EBF1: variants seen among roughly 807,000 people sequenced by gnomAD.
The protein encoded by EBF1 is EBF transcription factor 1.
Under a neutral mutation model 68.4 loss-of-function variants are expected in EBF1, and 10 were observed. That is an observed-to-expected ratio of 0.15 (90% CI 0.09 to 0.25). EBF1 has a LOEUF of 0.25. Ranked by LOEUF, EBF1 falls within the 10% of genes least tolerant of loss-of-function variation. The probability of loss-of-function intolerance (pLI) is 1.00; values close to 1 mark genes in which losing one functional copy is unlikely to be tolerated. For missense variants in EBF1, 509 were observed against 794.4 expected, an observed-to-expected ratio of 0.64 and a Z score of 4.32; for synonymous variants, 298 against 299.8, an observed-to-expected ratio of 0.99 and a Z score of 0.06.
intron 6 of EBF1, among the ~76,000 whole-genome samples, chr5:158,853,841 A>G (rs540754763): frequency 6.6e-6 from 1 of 152,348 alleles, no homozygotes; most frequent in African/African-American, 2.4e-5. Flanking sequence ...TCAAAATGAT[A>G]GAAGCTTTTA....
At chr5:158,730,764 C>A (rs971456832) in intron 11 of EBF1, among the ~76,000 whole-genome samples, 3 of 152,132 alleles carry the variant, frequency 2.0e-5, no homozygotes, top group African/African-American at 7.2e-5. Context: ...TGCTATGTGA[C>A]CTTGAGCAAA....
chr5:158,866,516 T>C (rs898945549), intron 6 of EBF1, among the ~76,000 whole-genome samples: 14 of 152,084 alleles, frequency 9.2e-5, no homozygotes, highest in Admixed American at 2.6e-4. Context: ...TAGCTAATAC[T>C]GACTAATGAG....
intron 6 of EBF1, among the ~76,000 whole-genome samples, chr5:158,971,352 T>C (rs1173430572): frequency 2.0e-5 from 3 of 152,168 alleles, no homozygotes; most frequent in Non-Finnish European, 2.9e-5. Flanking sequence ...CAGTGAGTGA[T>C]GGTAAAAAGT....
chr5:158,973,464 A>AACACAC (rs139768228), intron 6 of EBF1, among the ~76,000 whole-genome samples: 19 of 149,266 alleles, frequency 1.3e-4, no homozygotes, highest in African/African-American at 4.4e-4. Flanking sequence ...AGCTCAAACC[A>AACACAC]ACACACACAC....
intron 4 of EBF1, among the ~76,000 whole-genome samples, chr5:159,093,670 TTA>T (rs1448650855): frequency 6.6e-6 from 1 of 152,146 alleles, no homozygotes; most frequent in East Asian, 1.9e-4. Flanking sequence ...TCCCCCATTT[TTA>T]TATGAGTATA....
chr5:158,723,278 G>A (rs1762311108), intron 11 of EBF1, among the ~76,000 whole-genome samples: 1 of 152,166 alleles, frequency 6.6e-6, no homozygotes, highest in South Asian at 2.1e-4. Flanking sequence ...TTTGTAAATT[G>A]GCTTTTTTTC....
intron 6 of EBF1, among the ~76,000 whole-genome samples, chr5:158,857,051 G>C (rs1334095139): frequency 6.6e-6 from 1 of 152,056 alleles, no homozygotes; most frequent in African/African-American, 2.4e-5. Context: ...TTGTGATCTG[G>C]AACAAAACTA....
At chr5:158,770,515 C>T (rs1386319030) in intron 10 of EBF1, among the ~76,000 whole-genome samples, 2 of 152,126 alleles carry the variant, frequency 1.3e-5, no homozygotes, top group Non-Finnish European at 2.9e-5. Flanking sequence ...AAAACTCCTC[C>T]CCATGGCTTA....
intron 6 of EBF1, among the ~76,000 whole-genome samples, chr5:158,998,201 C>G (rs1367433511): frequency 6.6e-6 from 1 of 152,114 alleles, no homozygotes; most frequent in Non-Finnish European, 1.5e-5. Context: ...CTTCTTCTGG[C>G]CAGTCTTTTC....
intron 4 of EBF1, among the ~76,000 whole-genome samples, chr5:159,087,762 A>T (rs1278557049): frequency 6.6e-6 from 1 of 152,106 alleles, no homozygotes; most frequent in Non-Finnish European, 1.5e-5. Context: ...TCCATGATAC[A>T]TCTCTTCACC....
intron 5 of EBF1, among the ~76,000 whole-genome samples, chr5:159,083,552 C>T (rs1052266291): frequency 3.3e-5 from 5 of 152,008 alleles, no homozygotes; most frequent in African/African-American, 1.2e-4. Context: ...ATTGTATATC[C>T]ATACGTAACT....
intron 10 of EBF1, among the ~76,000 whole-genome samples, chr5:158,752,311 GA>G (rs1046112307): frequency 5.0e-5 from 6 of 119,226 alleles, no homozygotes; most frequent in African/African-American, 1.6e-4. Flanking sequence ...ATTAAAAGGG[GA>G]AAAAGTATTT....
chr5:158,828,009 G>A (rs1199226011), intron 7 of EBF1, among the ~76,000 whole-genome samples: 4 of 152,106 alleles, frequency 2.6e-5, no homozygotes, highest in African/African-American at 9.7e-5. Flanking sequence ...TGGTAACTCA[G>A]TAAAAGGAAA....
chr5:158,979,483 G>A (rs1022759824), intron 6 of EBF1, among the ~76,000 whole-genome samples: 3 of 152,128 alleles, frequency 2.0e-5, no homozygotes, highest in East Asian at 1.9e-4. Context: ...AAAAGTGATA[G>A]GTTTTTGCGA....
At chr5:158,700,784 A>T (rs1047485442) in intron 15 of EBF1, among the ~76,000 whole-genome samples, 1 of 152,216 alleles carries the variant, frequency 6.6e-6, no homozygotes, top group Non-Finnish European at 1.5e-5. Context: ...GTTTTGCAAG[A>T]GCCTTTTTGC....
intron 1 of EBF1, among the ~76,000 whole-genome samples, chr5:159,098,997 C>T (rs951684504): frequency 2.6e-5 from 4 of 151,664 alleles, no homozygotes; most frequent in Non-Finnish European, 4.4e-5. Context: ...GAGAGCCGGC[C>T]GGAAAAGAAA....
chr5:158,708,712 C>A (rs903032239), intron 14 of EBF1, among the ~76,000 whole-genome samples: 13 of 152,068 alleles, frequency 8.5e-5, no homozygotes, highest in African/African-American at 2.7e-4. Context: ...CAGGTAGAGC[C>A]TAAACTAAAG....
intron 6 of EBF1, among the ~76,000 whole-genome samples, chr5:158,855,532 G>T (rs1793813816): frequency 6.6e-6 from 1 of 152,156 alleles, no homozygotes; most frequent in African/African-American, 2.4e-5. Flanking sequence ...GTCCTGGAGG[G>T]ATTTGGCCCT....
intron 6 of EBF1, among the ~76,000 whole-genome samples, chr5:158,884,121 G>A (rs913373323): frequency 6.6e-6 from 1 of 152,162 alleles, no homozygotes; most frequent in Non-Finnish European, 1.5e-5. Flanking sequence ...TTTCTATCCT[G>A]ACAGCTTAAG....
Sources: gnomAD v4.1 joint callset for allele counts (sites outside exome capture counted in the v4.1 genomes callset) on GRCh38, gnomAD v4.1.1 for gene constraint, MANE v1.5 for transcripts, NCBI Gene and HGNC (gene_info 2026-07-23, HGNC 2026-07-21) for gene names.